The following AKAP6 variants were observed in gnomAD, a reference collection of about 807,000 sequenced individuals.
AKAP6 encodes the protein A-kinase anchor protein 6.
A neutral mutation model predicts 188.5 loss-of-function variants in AKAP6; 58 were observed. That is an observed-to-expected ratio of 0.31 (90% CI 0.25 to 0.38). AKAP6 has a LOEUF of 0.38. AKAP6 is among the 10% of genes least tolerant of loss of function. The pLI is 1.00. For synonymous variants in AKAP6, 989 were observed against 998.6 expected, an observed-to-expected ratio of 0.99 and a Z score of 0.18; for missense variants, 2,710 against 2,740.0, an observed-to-expected ratio of 0.99 and a Z score of 0.24.
intron 12 of AKAP6, among the ~76,000 whole-genome samples, chr14:32,801,897 C>T (rs1338464186): frequency 6.6e-6 from 1 of 152,244 alleles, no homozygotes; most frequent in Admixed American, 6.5e-5. Context: ...TCTATGGATA[C>T]AGTTTTTTAT....
At chr14:32,537,052 A>G (rs1882715820) in intron 3 of AKAP6, among the ~76,000 whole-genome samples, 1 of 152,244 alleles carries the variant, frequency 6.6e-6, no homozygotes, top group African/African-American at 2.4e-5. Context: ...TCATTAATTT[A>G]TTGACATTAA....
chr14:32,785,445 A>C (rs1275348573), intron 12 of AKAP6, among the ~76,000 whole-genome samples: 2 of 152,234 alleles, frequency 1.3e-5, no homozygotes, highest in Non-Finnish European at 2.9e-5. Flanking sequence ...TTTGGATAAC[A>C]TCATCATATA....
chr14:32,780,386 T>C (rs1460174303), intron 12 of AKAP6, among the ~76,000 whole-genome samples: 1 of 151,920 alleles, frequency 6.6e-6, no homozygotes, highest in Non-Finnish European at 1.5e-5. Flanking sequence ...AATGGAAAGA[T>C]GTAGGTCAAA....
chr14:32,500,939 A>G (rs1880579647), intron 2 of AKAP6, among the ~76,000 whole-genome samples: 5 of 152,124 alleles, frequency 3.3e-5, no homozygotes, highest in African/African-American at 1.2e-4. Context: ...CTTAAAGAAC[A>G]AAGGTCAAGC....
chr14:32,422,600 A>G (rs766368530), intron 1 of AKAP6, among the ~76,000 whole-genome samples: 59 of 152,194 alleles, frequency 3.9e-4, no homozygotes, highest in Admixed American at 9.2e-4. Context: ...TTACATAGGC[A>G]TGATTGATTG....
intron 1 of AKAP6, among the ~76,000 whole-genome samples, chr14:32,343,746 CAA>C (rs56376110): frequency 0.11 from 4,011 of 36,586 alleles, 8 homozygotes; most frequent in Non-Finnish European, 0.15. Flanking sequence ...GATTCCGTCT[CAA>C]AAAAAAAAAA....
chr14:32,480,347 G>T (rs1225685501), intron 2 of AKAP6, among the ~76,000 whole-genome samples: 1 of 152,148 alleles, frequency 6.6e-6, no homozygotes, highest in Non-Finnish European at 1.5e-5. Context: ...TCTAATGTGG[G>T]ATCTTGCATT....
chr14:32,450,511 A>C (rs1049549996), intron 2 of AKAP6, among the ~76,000 whole-genome samples: 1 of 152,172 alleles, frequency 6.6e-6, no homozygotes, highest in Non-Finnish European at 1.5e-5. Context: ...TTTTTAGTTA[A>C]CACAATGAGA....
Position 32,678,310 on chromosome 14 carries a change from G to A in AKAP6, c.2731-1G>A. ...CAATTTCTCTTTGTTTCTCTTTCCA[G>A]GCTGAGGTTCAACTATGCTACCTGG... On this transcript the variant is annotated splice_acceptor_variant, in intron 7 of 13. Transcript: ENST00000280979. LOFTEE classifies it high-confidence loss of function. The A allele has an allele frequency of 1.2e-6, 2 of 1,604,760 alleles. No homozygotes were observed. Among genetic ancestry groups the A allele is most frequent in the Non-Finnish European group, 1.7e-6 (2 of 1,173,078 alleles).
intron 2 of AKAP6, among the ~76,000 whole-genome samples, chr14:32,451,683 A>C (rs1261382607): frequency 2.0e-5 from 3 of 152,196 alleles, no homozygotes; most frequent in Non-Finnish European, 4.4e-5. Context: ...ATAACACATA[A>C]AATATCTATG....
chr14:32,490,412 C>A (rs1879949695), intron 2 of AKAP6, among the ~76,000 whole-genome samples: 1 of 152,116 alleles, frequency 6.6e-6, no homozygotes, highest in South Asian at 2.1e-4. Context: ...AAATTTCTTT[C>A]AAACATGAAA....
chr14:32,421,363 A>G (rs1889845871), intron 1 of AKAP6, among the ~76,000 whole-genome samples: 1 of 151,732 alleles, frequency 6.6e-6, no homozygotes, highest in South Asian at 2.1e-4. Flanking sequence ...ATTTATATCT[A>G]TTTACCTTTT....
In AKAP6 at chr14:32,511,636, C is replaced by T. The variant is rs552192614; in HGVS notation, c.325-23918C>T. Among the ~76,000 whole-genome samples, 13 of 152,316 alleles carry T rather than the reference C, an allele frequency of 8.5e-5. 1 individual carries two copies. The East Asian group carries it at 1.9e-3, about 23-fold the overall frequency. ...AGGTGACCCACCCACCTCGGCCTCC[C>T]AAAGTGCTAGGATTACAGGTTGTAT... is the stretch of plus-strand genomic sequence containing the variant. On this transcript the variant is annotated intron_variant, in intron 2 of 13. Coordinates refer to ENST00000280979, the MANE Select transcript of AKAP6 (RefSeq NM_004274.5).
chr14:32,776,247 G>C (rs547091891), intron 12 of AKAP6, among the ~76,000 whole-genome samples: 1 of 152,152 alleles, frequency 6.6e-6, no homozygotes, highest in Non-Finnish European at 1.5e-5. Flanking sequence ...ATAATTCCTA[G>C]ATGTTATGGG....
Position 32,820,249 on chromosome 14 carries a change from T to C in AKAP6, c.3589-1153T>C, listed in dbSNP as rs2034485825. 2.0e-5 allele frequency among the ~76,000 whole-genome samples: 3 copies of C among 152,138 alleles called. No individual in the cohort carries two copies. In the South Asian group the frequency reaches 6.2e-4, roughly 32 times the overall value. ...AACTTAGAAGTTCTGTTTGTGTTTCTGTCTGTAGGTGAGCCCATCAAGTTC... is the reference window on the plus strand; with the variant it reads ...AACTTAGAAGTTCTGTTTGTGTTTCCGTCTGTAGGTGAGCCCATCAAGTTC... On this transcript the variant is annotated intron_variant, in intron 12 of 13. Coordinates refer to ENST00000280979, the MANE Select transcript of AKAP6 (RefSeq NM_004274.5).
intron 11 of AKAP6, among the ~76,000 whole-genome samples, chr14:32,748,492 A>C (rs2031999457): frequency 1.3e-5 from 2 of 152,196 alleles, no homozygotes; most frequent in Admixed American, 6.5e-5. Flanking sequence ...ATGAAACTGT[A>C]CTTTCAAAAA....
At chr14:32,738,213 A>T (rs1049165455) in intron 11 of AKAP6, among the ~76,000 whole-genome samples, 4 of 152,148 alleles carry the variant, frequency 2.6e-5, no homozygotes, top group Non-Finnish European at 5.9e-5. Context: ...CATTGGCTGG[A>T]AAGCACTACT....
chr14:32,456,444 A>G (rs565754092), intron 2 of AKAP6, among the ~76,000 whole-genome samples: 3 of 152,250 alleles, frequency 2.0e-5, no homozygotes, highest in Non-Finnish European at 4.4e-5. Context: ...AAGCTATAAT[A>G]CTATTTAAAC....
chr14:32,683,174 A>G (rs894857958), intron 8 of AKAP6, among the ~76,000 whole-genome samples: 1 of 151,816 alleles, frequency 6.6e-6, no homozygotes, highest in Non-Finnish European at 1.5e-5. Context: ...TTGTATTTTT[A>G]GTAGAGACGG....
Sources: allele counts gnomAD v4.1 joint callset (sites outside exome capture counted in the v4.1 genomes callset), GRCh38; gene constraint gnomAD v4.1.1; transcripts MANE v1.5; gene names NCBI Gene and HGNC (gene_info 2026-07-23, HGNC 2026-07-21).